MANSC4: variants seen among roughly 807,000 people sequenced by gnomAD.
MANSC4 encodes MANSC domain-containing protein 4.
In MANSC4, 11 loss-of-function variants were observed where a neutral mutation model predicts 11.4. The ratio of observed to expected loss-of-function variants is 0.97; its 90% CI spans 0.61 to 1.60. The LOEUF is 1.60. MANSC4 is among the 40% of genes most tolerant of loss of function. The pLI, the probability that MANSC4 is intolerant of heterozygous loss-of-function variation, is 0.00. For missense variants in MANSC4, 354 were observed against 404.6 expected, an observed-to-expected ratio of 0.88 and a Z score of 1.07; for synonymous variants, 123 against 147.1, an observed-to-expected ratio of 0.84 and a Z score of 1.19.
rs1429626200 is a variant in MANSC4 at position 27,774,455 on chromosome 12, T to A, written c.-306-2873A>T. On this transcript the variant is annotated intron_variant, in intron 1 of 3. Transcript: ENST00000381273. Reference sequence around the variant, plus strand: ...TTTTTGCTTCTATTAAATCAACATATGTTCACTTTAATAATTCAAATCATA... The same window carrying A: ...TTTTTGCTTCTATTAAATCAACATAAGTTCACTTTAATAATTCAAATCATA... Among the ~76,000 whole-genome samples the A allele has an allele frequency of 2.0e-5, 3 of 152,048 alleles. 1 individual carries two copies. Among genetic ancestry groups the A allele is most frequent in the South Asian group, 4.2e-4 (2 of 4,810 alleles).
At chr12:27,767,115 G>A (rs1023139190) in intron 2 of MANSC4, among the ~76,000 whole-genome samples, 1 of 151,982 alleles carries the variant, frequency 6.6e-6, no homozygotes, top group African/African-American at 2.4e-5. Context: ...AAATAGCTGG[G>A]ACTAGAGGCA....
intron 3 of MANSC4, among the ~76,000 whole-genome samples, chr12:27,765,725 G>A (rs1196000185): frequency 1.3e-5 from 2 of 152,130 alleles, no homozygotes; most frequent in Non-Finnish European, 2.9e-5. Flanking sequence ...ATATGGCTGC[G>A]ATCTTCCACA....
chr12:27,768,607 G>C (rs2062085235), intron 2 of MANSC4, among the ~76,000 whole-genome samples: 1 of 148,760 alleles, frequency 6.7e-6, no homozygotes, highest in Non-Finnish European at 1.5e-5. Context: ...GAGACCATGT[G>C]ATATGAAATA....
rs868387134 is a variant in MANSC4, at chr12:27,763,010, C to T, written c.751G>A (p.Gly251Arg). ...AGTAATTGTTTGCTACTGTTGAGTC[C>T]AGGTGGAACAGGCATATGAGAAAGT... is the stretch of plus-strand genomic sequence containing the variant. ...TKLSHMPVPP[G>R]LNSSKQLLNK... Residue 251 changes from glycine to arginine, a missense_variant, in exon 4 of 4, where the codon GGA (glycine) becomes AGA (arginine). By Grantham distance (125) the Gly-to-Arg change is moderately radical. Coordinates refer to ENST00000381273, the MANE Select transcript of MANSC4 (RefSeq NM_001146221.5). 5.2e-6 allele frequency: 8 copies of T among 1,551,486 alleles called. No homozygotes were observed. In the East Asian group the frequency reaches 7.3e-5, roughly 14 times the overall value.
chr12:27,778,160 G>A (rs1046916671), intron 1 of MANSC4, among the ~76,000 whole-genome samples: 6 of 151,298 alleles, frequency 4.0e-5, no homozygotes, highest in African/African-American at 1.5e-4. Context: ...GGGAGGTGGA[G>A]GTTGCAGAAA....
chr12:27,771,294 AG>A lies in MANSC4; in HGVS notation c.-19del. 1.3e-6 allele frequency: 2 copies of A among 1,543,448 alleles called. No homozygotes were observed. Among genetic ancestry groups the A allele is most frequent in the Non-Finnish European group, 1.8e-6 (2 of 1,142,054 alleles). ...ACATGCATTTTTCCTGTATGAAGGA[AG>A]ACTCGAAGATAAGTCTGATTTCCAG... is the stretch of plus-strand genomic sequence containing the variant. On this transcript the variant is annotated 5_prime_UTR_variant, in exon 2 of 4. Transcript: ENST00000381273.
At chr12:27,770,931 G>A in intron 2 of MANSC4, 117 bp downstream of exon 2, 1 of 719,006 alleles carries the variant, frequency 1.4e-6, no homozygotes, top group Middle Eastern at 2.8e-4. Context: ...CACACCCTAG[G>A]GCATCTTCTC....
At chr12:27,775,684 C>T (rs779964265) in intron 1 of MANSC4, among the ~76,000 whole-genome samples, 2 of 151,988 alleles carry the variant, frequency 1.3e-5, no homozygotes, top group Non-Finnish European at 2.9e-5. Context: ...TTACAGGAAT[C>T]GGTCACTGCA....
chr12:27,776,460 T>C (rs1432235578), intron 1 of MANSC4, among the ~76,000 whole-genome samples: 3 of 152,166 alleles, frequency 2.0e-5, no homozygotes, highest in African/African-American at 7.2e-5. Flanking sequence ...CTGGGTGTGG[T>C]GGCTCATACC....
intron 1 of MANSC4, among the ~76,000 whole-genome samples, chr12:27,778,946 G>A (rs1185061082): frequency 2.0e-5 from 3 of 152,232 alleles, no homozygotes; most frequent in Non-Finnish European, 4.4e-5. Flanking sequence ...TCGGCTCACT[G>A]CAACCTCCGC....
At chr12:27,766,569 C>T in intron 3 of MANSC4, 96 bp downstream of exon 3, 1 of 1,295,618 alleles carries the variant, frequency 7.7e-7, no homozygotes, top group South Asian at 1.6e-5. Context: ...ATTTTAGGGA[C>T]TCACATATGG....
intron 1 of MANSC4, among the ~76,000 whole-genome samples, chr12:27,774,799 A>G (rs1286280194): frequency 1.3e-5 from 2 of 151,930 alleles, no homozygotes; most frequent in Non-Finnish European, 2.9e-5. Flanking sequence ...TGAGGCGGGC[A>G]GATCACGAGG....
chr12:27,765,562 A>G (rs2062068816), intron 3 of MANSC4, among the ~76,000 whole-genome samples: 1 of 152,186 alleles, frequency 6.6e-6, no homozygotes, highest in Non-Finnish European at 1.5e-5. Context: ...GCCTTCTTCC[A>G]TGAACCTCCT....
intron 2 of MANSC4, among the ~76,000 whole-genome samples, chr12:27,769,215 A>G (rs1227290224): frequency 6.6e-6 from 1 of 152,264 alleles, no homozygotes. Flanking sequence ...TTTAAGGGAA[A>G]GAAAAACTAT....
At chr12:27,778,606 C>CCTA (rs2062128965) in intron 1 of MANSC4, among the ~76,000 whole-genome samples, 21 of 151,672 alleles carry the variant, frequency 1.4e-4, no homozygotes, top group Admixed American at 1.3e-4. Flanking sequence ...AAGTTAAGGA[C>CCTA]TGTTTATCAT....
At chr12:27,773,010 A>G (rs1310804600) in intron 1 of MANSC4, among the ~76,000 whole-genome samples, 1 of 152,206 alleles carries the variant, frequency 6.6e-6, no homozygotes, top group East Asian at 1.9e-4. Context: ...TTGCTGTCAG[A>G]TTATATTTAA....
At chr12:27,764,762 C>T (rs1159776013) in intron 3 of MANSC4, among the ~76,000 whole-genome samples, 3 of 152,106 alleles carry the variant, frequency 2.0e-5, no homozygotes, top group Non-Finnish European at 4.4e-5. Flanking sequence ...TTAATATGCC[C>T]AAAGCCAAAA....
intron 1 of MANSC4, among the ~76,000 whole-genome samples, 83 bp from the exon 2 acceptor site, chr12:27,771,665 AAAC>A (rs1247994846): frequency 3.9e-5 from 6 of 152,188 alleles, no homozygotes; most frequent in Non-Finnish European, 1.5e-5. Flanking sequence ...TTTCTGAGGG[AAAC>A]AACAAGTTAG....
intron 1 of MANSC4, among the ~76,000 whole-genome samples, chr12:27,772,806 T>C (rs930609728): frequency 6.6e-6 from 1 of 152,202 alleles, no homozygotes; most frequent in Non-Finnish European, 1.5e-5. Context: ...ACTCTCGATA[T>C]TTTATGAGAT....
Sources: gnomAD v4.1 joint callset for allele counts (sites outside exome capture counted in the v4.1 genomes callset) on GRCh38, gnomAD v4.1.1 for gene constraint, MANE v1.5 for transcripts, NCBI Gene and HGNC (gene_info 2026-07-23, HGNC 2026-07-21) for gene names.